STK32C: variants seen among roughly 807,000 people sequenced by gnomAD.
STK32C encodes the protein serine/threonine kinase 32C, also known as serine/threonine-protein kinase 32C.
STK32C carries 31 observed loss-of-function variants against 56.5 expected under a neutral mutation model. That is an observed-to-expected ratio of 0.55 (90% CI 0.41 to 0.74). The LOEUF (loss-of-function observed/expected upper bound fraction) is 0.74. STK32C is among the 30% of genes least tolerant of loss of function. The probability of loss-of-function intolerance (pLI) is 0.00; values close to 1 mark genes in which losing one functional copy is unlikely to be tolerated. For synonymous variants in STK32C, 309 were observed against 289.4 expected, an observed-to-expected ratio of 1.07 and a Z score of -0.69; for missense variants, 544 against 676.9, an observed-to-expected ratio of 0.80 and a Z score of 2.18.
At chr10:132,330,309 T>G in intron 1 of STK32C, 1 of 633,804 alleles carries the variant, frequency 1.6e-6, no homozygotes, top group South Asian at 1.7e-5. Context: ...AAATGTTTTA[T>G]TTGTGAAAAG....
chr10:132,235,159 G>C (rs954255957), intron 2 of STK32C, among the ~76,000 whole-genome samples: 1 of 152,308 alleles, frequency 6.6e-6, no homozygotes, highest in African/African-American at 2.4e-5. Flanking sequence ...AGCTGTATGA[G>C]TGGTGTGCCA....
chr10:132,276,137 C>T (rs2064991669), intron 1 of STK32C, among the ~76,000 whole-genome samples: 1 of 152,168 alleles, frequency 6.6e-6, no homozygotes, highest in Non-Finnish European at 1.5e-5. Context: ...ACCAGCTTTT[C>T]GGTCAGCAAT....
At chr10:132,218,122 T>C (rs1449532995) in intron 10 of STK32C, among the ~76,000 whole-genome samples, 1 of 152,096 alleles carries the variant, frequency 6.6e-6, no homozygotes, top group Non-Finnish European at 1.5e-5. Flanking sequence ...GAGACCAACC[T>C]GGACAACATA....
chr10:132,284,369 G>A (rs1211605492), intron 1 of STK32C, among the ~76,000 whole-genome samples: 3 of 43,810 alleles, frequency 6.8e-5, no homozygotes, highest in Non-Finnish European at 1.5e-4. Flanking sequence ...AGGTTGGGGG[G>A]GGCAGGTGAG....
At chr10:132,261,071 C>T (rs551000619) in intron 1 of STK32C, among the ~76,000 whole-genome samples, 6 of 152,210 alleles carry the variant, frequency 3.9e-5, no homozygotes, top group Admixed American at 6.5e-5. Flanking sequence ...GCCTTGGAGA[C>T]GATCACTGCT....
At chr10:132,330,152 G>T in intron 1 of STK32C, 1 of 373,488 alleles carries the variant, frequency 2.7e-6, no homozygotes, top group Non-Finnish European at 5.1e-6. Context: ...CAATCTGGCT[G>T]GGCAAAAACT....
At chr10:132,309,353 G>A (rs866886578), upstream of STK32C, among the ~76,000 whole-genome samples, 22 of 151,892 alleles carry the variant, frequency 1.4e-4, no homozygotes, top group African/African-American at 3.9e-4. Flanking sequence ...ACATGCACCC[G>A]CCTGGACATG....
At chr10:132,279,000 C>T (rs1448407935) in intron 1 of STK32C, among the ~76,000 whole-genome samples, 1 of 152,110 alleles carries the variant, frequency 6.6e-6, no homozygotes, top group Non-Finnish European at 1.5e-5. Flanking sequence ...AAGGAGATGC[C>T]CTTTGTCTTG....
intron 2 of STK32C, among the ~76,000 whole-genome samples, chr10:132,233,660 G>C (rs149839740): frequency 1.8e-4 from 27 of 152,346 alleles, no homozygotes; most frequent in Non-Finnish European, 2.6e-4. Flanking sequence ...GCAGATGGCA[G>C]AGGGGGGTCT....
At chr10:132,219,214 T>C (rs1447788527) in intron 10 of STK32C, among the ~76,000 whole-genome samples, 1 of 152,206 alleles carries the variant, frequency 6.6e-6, no homozygotes, top group East Asian at 1.9e-4. Context: ...GGAATGTGAA[T>C]TATATCAAAA....
At chr10:132,214,197 A>C (rs186613762) in intron 10 of STK32C, among the ~76,000 whole-genome samples, 228 of 151,428 alleles carry the variant, frequency 1.5e-3, no homozygotes, top group African/African-American at 5.4e-3. Context: ...TTAAAAAAAA[A>C]TCTGTACCTA....
At chr10:132,238,746 G>C (rs1174280173) in intron 2 of STK32C, among the ~76,000 whole-genome samples, 1 of 152,190 alleles carries the variant, frequency 6.6e-6, no homozygotes, top group Non-Finnish European at 1.5e-5. Flanking sequence ...ACATTAAAGC[G>C]TTGGAAATAC....
chr10:132,273,242 C>G (rs772991312), intron 1 of STK32C, among the ~76,000 whole-genome samples: 4 of 152,080 alleles, frequency 2.6e-5, no homozygotes, highest in Non-Finnish European at 4.4e-5. Flanking sequence ...ACTAAGCGAC[C>G]CCACCAAGAG....
At chr10:132,269,881 T>G (rs1028261307) in intron 1 of STK32C, among the ~76,000 whole-genome samples, 1 of 152,168 alleles carries the variant, frequency 6.6e-6, no homozygotes, top group Non-Finnish European at 1.5e-5. Context: ...ACGGCCATAA[T>G]AGCTGACACC....
At position 132,258,107 on chromosome 10, in the gene STK32C, C is replaced by G. The variant is rs554860910; in HGVS notation, c.263-12152G>C. Among the ~76,000 whole-genome samples the G allele has an allele frequency of 1.5e-3, 231 of 152,334 alleles. 1 individual carries two copies. The highest frequency in any genetic ancestry group is 5.1e-3 in the African/African-American group (210 of 41,568). On this transcript the variant is annotated intron_variant, in intron 1 of 11. Transcript: ENST00000298630. ...TGCCGGCTGAGTGGCCCCCCAGGAC[C>G]TCCCCGGGAGCAACAGCAAGTGTCC...
In STK32C at chr10:132,242,192, G is replaced by C. The variant is rs563341218; in HGVS notation, c.318+3708C>G. Reference sequence around the variant, plus strand: ...CTGATCGTGAATGAGGCAGTGCTGGGTGCAGACGGCCTTCAAGCATGTATG... The same window carrying C: ...CTGATCGTGAATGAGGCAGTGCTGGCTGCAGACGGCCTTCAAGCATGTATG... On this transcript the variant is annotated intron_variant, in intron 2 of 11. Transcript: ENST00000298630. Among the ~76,000 whole-genome samples the C allele has an allele frequency of 3.3e-5, 5 of 152,318 alleles. No homozygotes were observed. The East Asian group carries it at 9.6e-4, about 29-fold the overall frequency.
intron 1 of STK32C, among the ~76,000 whole-genome samples, chr10:132,281,528 T>C (rs1453219800): frequency 6.6e-6 from 1 of 152,186 alleles, no homozygotes; most frequent in Non-Finnish European, 1.5e-5. Flanking sequence ...AAGCTTAATA[T>C]GATTGTCTTT....
At chr10:132,328,883 G>A (rs1036824864) in intron 1 of STK32C, among the ~76,000 whole-genome samples, 1 of 152,210 alleles carries the variant, frequency 6.6e-6, no homozygotes, top group Non-Finnish European at 1.5e-5. Flanking sequence ...CAACGGCAAG[G>A]CCAGGCAAGC....
chr10:132,242,428 TG>T (rs1050137259), intron 2 of STK32C, among the ~76,000 whole-genome samples: 2 of 152,024 alleles, frequency 1.3e-5, no homozygotes, highest in Admixed American at 6.5e-5. Context: ...CACCTGAGGT[TG>T]GGGGGGCTCT....
Sources: allele counts gnomAD v4.1 joint callset (sites outside exome capture counted in the v4.1 genomes callset), GRCh38; gene constraint gnomAD v4.1.1; transcripts MANE v1.5; gene names NCBI Gene and HGNC (gene_info 2026-07-23, HGNC 2026-07-21).